SLC25A13: variants seen among roughly 807,000 people sequenced by gnomAD.
The protein encoded by SLC25A13 is electrogenic aspartate/glutamate antiporter SLC25A13, mitochondrial.
A neutral mutation model predicts 85.5 loss-of-function variants in SLC25A13; 70 were observed. The ratio of observed to expected loss-of-function variants is 0.82; its 90% CI spans 0.68 to 1.00. The LOEUF (loss-of-function observed/expected upper bound fraction) is 1.00, where lower values mean the gene tolerates loss of function less well. Among genes scored for constraint, SLC25A13 ranks in the 50% least tolerant of loss-of-function variants. SLC25A13 has a pLI of 0.00. For missense variants in SLC25A13, 765 were observed against 819.8 expected (o/e 0.93, Z 0.82); for synonymous variants, 259 against 288.7 (o/e 0.90, Z 1.04).
intron 3 of SLC25A13, among the ~76,000 whole-genome samples, chr7:96,249,523 T>C (rs2116861619): frequency 6.6e-6 from 1 of 152,344 alleles, no homozygotes; most frequent in South Asian, 2.1e-4. Flanking sequence ...TGGAAGAACC[T>C]ATATAAATGC....
intron 4 of SLC25A13, among the ~76,000 whole-genome samples, chr7:96,232,438 G>C (rs1007406988): frequency 6.6e-6 from 1 of 152,026 alleles, no homozygotes; most frequent in Admixed American, 6.6e-5. Context: ...CTACCAGAGG[G>C]TGGAGGGTAG....
chr7:96,257,281 T>G (rs1288458267), intron 3 of SLC25A13, among the ~76,000 whole-genome samples: 2 of 152,062 alleles, frequency 1.3e-5, no homozygotes, highest in African/African-American at 4.8e-5. Context: ...CAGGAGCTGG[T>G]TTTTTGAAAA....
chr7:96,277,456 A>G (rs1339704883), intron 2 of SLC25A13, 118 bp from the exon 3 acceptor site: 1 of 941,368 alleles, frequency 1.1e-6, no homozygotes. Context: ...AGATATGATC[A>G]TGTACGCTTC....
intron 3 of SLC25A13, among the ~76,000 whole-genome samples, chr7:96,266,093 T>C (rs1798035485): frequency 6.6e-6 from 1 of 152,214 alleles, no homozygotes; most frequent in Non-Finnish European, 1.5e-5. Context: ...AAAACCTTAT[T>C]TGCTGTTAAG....
Position 96,319,540 on chromosome 7 carries a change from C to CAAA in SLC25A13, c.15+2399_15+2401dup, listed in dbSNP as rs398005497. 1.7e-3 allele frequency among the ~76,000 whole-genome samples: 127 copies of CAAA among 76,786 alleles called. 3 individuals carry two copies. Among genetic ancestry groups the CAAA allele is most frequent in the Non-Finnish European group, 2.0e-3 (79 of 40,290 alleles). The allele number at this position is 76,786 out of a possible 152,430, so 50.4% of individuals were successfully genotyped here. A position where few individuals can be genotyped will look rare whatever the true frequency, so the allele number is the denominator to read the frequency against. On this transcript the variant is annotated intron_variant, in intron 1 of 17. Transcript: ENST00000265631. ...CTGGCAACAGAGCAAGACTCCATCTCAAAAAAAAAAAAAAAAAAAAAACTG... is the reference window on the plus strand; with the variant it reads ...CTGGCAACAGAGCAAGACTCCATCTCAAAAAAAAAAAAAAAAAAAAAAAAACTG...
rs1163667385 is a variant in SLC25A13, at chr7:96,146,687, A to T, written c.1321T>A (p.Ser441Thr). ...EILAGGCAGG[S>T]QVIFTNPLEI... is the part of the protein sequence containing the mutation. ...AAAGGATTTGTGAAAATCACCTGGG[A>T]GCCTCCAGCCTAAAAAGAACAAAAA... is the stretch of plus-strand genomic sequence containing the variant. The change falls in exon 14 of 18, where the codon TCC becomes ACC. Residue 441 changes from serine to threonine, a missense_variant. Ser to Thr is a moderately conservative substitution (Grantham distance 58, BLOSUM62 1). Coordinates refer to ENST00000265631, the MANE Select transcript of SLC25A13 (RefSeq NM_014251.3). 1.9e-6 allele frequency: 3 copies of T among 1,614,078 alleles called. No homozygotes were observed. Among genetic ancestry groups the T allele is most frequent in the Non-Finnish European group, 2.5e-6 (3 of 1,179,964 alleles).
intron 2 of SLC25A13, among the ~76,000 whole-genome samples, chr7:96,286,538 T>C (rs117341730): frequency 0.043 from 6,608 of 152,190 alleles, 182 homozygotes; most frequent in Non-Finnish European, 0.059. Context: ...CATTACCACC[T>C]CTCCATAACT....
At chr7:96,260,647 A>T (rs963081565) in intron 3 of SLC25A13, among the ~76,000 whole-genome samples, 10 of 152,212 alleles carry the variant, frequency 6.6e-5, no homozygotes, top group African/African-American at 2.4e-4. Context: ...TTTGCTTCCA[A>T]ACCTACTCTT....
intron 2 of SLC25A13, among the ~76,000 whole-genome samples, chr7:96,278,264 G>C (rs1798534709): frequency 6.6e-6 from 1 of 152,164 alleles, no homozygotes; most frequent in Non-Finnish European, 1.5e-5. Context: ...GGCAAGGATA[G>C]TGCATCTACA....
intron 2 of SLC25A13, among the ~76,000 whole-genome samples, chr7:96,285,418 C>T (rs936483603): frequency 6.6e-6 from 1 of 152,166 alleles, no homozygotes; most frequent in African/African-American, 2.4e-5. Context: ...TACTTTGAGC[C>T]AGAGTTGTAT....
At chr7:96,317,889 C>T (rs1326024840) in intron 1 of SLC25A13, among the ~76,000 whole-genome samples, 2 of 150,958 alleles carry the variant, frequency 1.3e-5, no homozygotes, top group South Asian at 2.1e-4. Flanking sequence ...GCAACCTCTG[C>T]CTTCTGGGCT....
At position 96,258,928 on chromosome 7, in the gene SLC25A13, G is replaced by C. The variant is rs567347628; in HGVS notation, c.212+18268C>G. Among the ~76,000 whole-genome samples, 5 of 152,262 alleles carry C rather than the reference G, an allele frequency of 3.3e-5. No individual in the cohort carries two copies. In the East Asian group the frequency reaches 9.7e-4, roughly 29 times the overall value. ...TAACACCACACATCTACAACCATCT[G>C]ATCTTTGACAAACCTGACAAAAACA... On this transcript the variant is annotated intron_variant, in intron 3 of 17. Transcript: ENST00000265631.
intron 3 of SLC25A13, among the ~76,000 whole-genome samples, chr7:96,260,919 A>G (rs1797829238): frequency 6.6e-6 from 1 of 152,092 alleles, no homozygotes; most frequent in Non-Finnish European, 1.5e-5. Flanking sequence ...AAACCCTCCA[A>G]TGACTTCTAC....
chr7:96,150,208 C>A (rs1440248012), intron 13 of SLC25A13, among the ~76,000 whole-genome samples: 1 of 151,868 alleles, frequency 6.6e-6, no homozygotes, highest in East Asian at 1.9e-4. Context: ...TTATTATAGA[C>A]TCACTTCTGC....
In SLC25A13 at chr7:96,185,388, A is replaced by C. The variant is rs564178998; in HGVS notation, c.934-377T>G. 1.1e-4 allele frequency among the ~76,000 whole-genome samples: 16 copies of C among 150,542 alleles called. 2 individuals are homozygous for C. In the South Asian group the frequency reaches 3.4e-3, roughly 32 times the overall value. On this transcript the variant is annotated intron_variant, in intron 9 of 17. Transcript: ENST00000265631. ...TGAGGCGGGCGGATTACCTGAGCACAGGAGTTCAAGACCAGCCTGGATAAC... is the reference window on the plus strand; with the variant it reads ...TGAGGCGGGCGGATTACCTGAGCACCGGAGTTCAAGACCAGCCTGGATAAC...
At chr7:96,149,913 T>C (rs1792962952) in intron 13 of SLC25A13, among the ~76,000 whole-genome samples, 2 of 152,190 alleles carry the variant, frequency 1.3e-5, no homozygotes, top group Admixed American at 1.3e-4. Context: ...TTGTGCACAA[T>C]GTCTTTGCGT....
chr7:96,196,720 A>C (rs1584441276), intron 5 of SLC25A13, among the ~76,000 whole-genome samples: 1 of 152,226 alleles, frequency 6.6e-6, no homozygotes, highest in South Asian at 2.1e-4. Context: ...AAAATGCTAG[A>C]TCTATGTAGT....
intron 14 of SLC25A13, among the ~76,000 whole-genome samples, chr7:96,136,483 T>C (rs959662628): frequency 6.6e-6 from 1 of 152,206 alleles, no homozygotes; most frequent in Non-Finnish European, 1.5e-5. Flanking sequence ...TTTGTATCTC[T>C]CTTTCTCTCG....
At chr7:96,231,585 G>A (rs1031821738) in intron 4 of SLC25A13, among the ~76,000 whole-genome samples, 20 of 151,948 alleles carry the variant, frequency 1.3e-4, no homozygotes, top group Non-Finnish European at 2.4e-4. Flanking sequence ...TTAGCCAGAC[G>A]TGGTGGTGCG....
Sources: gnomAD v4.1 joint callset for allele counts (sites outside exome capture counted in the v4.1 genomes callset) on GRCh38, gnomAD v4.1.1 for gene constraint, MANE v1.5 for transcripts, NCBI Gene and HGNC (gene_info 2026-07-23, HGNC 2026-07-21) for gene names.